MTRR: variants seen among roughly 807,000 people sequenced by gnomAD.
The protein encoded by MTRR is 5-methyltetrahydrofolate-homocysteine methyltransferase reductase.
A neutral mutation model predicts 79.2 loss-of-function variants in MTRR; 63 were observed. The observed-to-expected ratio is 0.80, with a 90% CI of 0.65 to 0.98. MTRR has a LOEUF of 0.98. Among genes scored for constraint, MTRR ranks in the 50% least tolerant of loss-of-function variants. The pLI is 0.00. For synonymous variants in MTRR, 355 were observed against 313.3 expected (o/e 1.13, Z -1.41); for missense variants, 895 against 839.6 (o/e 1.07, Z -0.82).
rs114472114 is a variant in MTRR, at chr5:7,884,341, C to G, written c.903+1064C>G. On this transcript the variant is annotated intron_variant, in intron 6 of 14. Transcript: ENST00000440940. ...TTGTCCCAGGACCCCTTTCAGATAC[C>G]CAAATCCTCAAAGCTCAAGTCCCTT... Among the ~76,000 whole-genome samples the G allele has an allele frequency of 7.9e-3, 1,202 of 152,108 alleles. 23 individuals are homozygous for G. Among genetic ancestry groups the G allele is most frequent in the African/African-American group, 0.028 (1,171 of 41,488 alleles).
At chr5:7,851,284 G>A (rs1438188780) in exon 1 of MTRR, 2 of 371,878 alleles carry the variant, frequency 5.4e-6, no homozygotes, top group Non-Finnish European at 9.5e-6. Flanking sequence ...GGAGGAGCCC[G>A]ACTGGGAGAC....
Position 7,875,379 on chromosome 5 carries a change from A to G in MTRR, c.401+4A>G. On this transcript the variant is annotated splice_donor_region_variant and intron_variant, in intron 4 of 14. Coordinates refer to ENST00000440940, the MANE Select transcript of MTRR (RefSeq NM_002454.3). Reference sequence around the variant, plus strand: ...GACATGCAGATGACTGTGTAGGGTAAGGGCAGTGTTCTCTGTTTACTCCAA... The same window carrying G: ...GACATGCAGATGACTGTGTAGGGTAGGGGCAGTGTTCTCTGTTTACTCCAA... 6.3e-7 allele frequency: 1 copy of G among 1,597,238 alleles called. No homozygotes were observed. Among genetic ancestry groups the G allele is most frequent in the Non-Finnish European group, 8.6e-7 (1 of 1,164,540 alleles).
chr5:7,868,443 G>C (rs529079199), upstream of MTRR, among the ~76,000 whole-genome samples: 3 of 152,334 alleles, frequency 2.0e-5, no homozygotes, highest in African/African-American at 7.2e-5. Context: ...TTAAGTGGCA[G>C]AGCTAGGGTT....
At chr5:7,881,646 C>T (rs1735618732) in intron 5 of MTRR, among the ~76,000 whole-genome samples, 1 of 152,126 alleles carries the variant, frequency 6.6e-6, no homozygotes, top group Admixed American at 6.5e-5. Flanking sequence ...CTGTCATGGG[C>T]TGCATGAGAT....
intron 2 of MTRR, chr5:7,862,840 G>T (rs1192587589): frequency 6.2e-7 from 1 of 1,613,084 alleles, no homozygotes; most frequent in East Asian, 2.2e-5. Flanking sequence ...ATAACAATAG[G>T]GTGTCAACAC....
chr5:7,869,552 A>C (rs1747504917), intron 1 of MTRR: 1 of 303,910 alleles, frequency 3.3e-6, no homozygotes, highest in Admixed American at 5.1e-5. Context: ...GGAACTGGGG[A>C]ACATGCCGGG....
At chr5:7,861,177 A>T in intron 1 of MTRR, 1 of 1,611,178 alleles carries the variant, frequency 6.2e-7, no homozygotes, top group Non-Finnish European at 8.5e-7. Context: ...GAGTAACTGT[A>T]GGTGTCTTTG....
intron 12 of MTRR, among the ~76,000 whole-genome samples, chr5:7,896,214 T>A (rs1738494567): frequency 1.3e-5 from 2 of 152,364 alleles, no homozygotes; most frequent in Admixed American, 6.5e-5. Flanking sequence ...CCAATTTTAG[T>A]AAAAGTTTCA....
intron 2 of MTRR, among the ~76,000 whole-genome samples, chr5:7,872,465 G>C (rs1445044693): frequency 2.0e-5 from 3 of 152,168 alleles, no homozygotes; most frequent in East Asian, 1.9e-4. Context: ...ACTTACATGA[G>C]AATAAGAATA....
rs5865737 is a variant in MTRR, at chr5:7,855,420, G to GAA, written n.391+3846_391+3847dup. Among the ~76,000 whole-genome samples, 314 of 145,154 alleles carry GAA rather than the reference G, an allele frequency of 2.2e-3. 2 individuals are homozygous for GAA. The highest frequency in any genetic ancestry group is 3.6e-3 in the Middle Eastern group (1 of 280). Reference sequence around the variant, plus strand: ...GGATTTCTCTAGAAACATTCCAGTGGAAAAAAAAAAAAGAAAAAGTTAAAG... The same window carrying GAA: ...GGATTTCTCTAGAAACATTCCAGTGGAAAAAAAAAAAAAAGAAAAAGTTAAAG... On this transcript the variant is annotated intron_variant and non_coding_transcript_variant, in intron 1 of 3. Transcript: ENST00000502509.
chr5:7,853,842 C>T lies in MTRR; in HGVS notation n.391+2257C>T, dbSNP rs548828264. Among the ~76,000 whole-genome samples, 38 of 152,224 alleles carry T rather than the reference C, an allele frequency of 2.5e-4. No homozygotes were observed. In the East Asian group the frequency reaches 7.2e-3, roughly 29 times the overall value. On this transcript the variant is annotated intron_variant and non_coding_transcript_variant, in intron 1 of 3. Coordinates refer to the MTRR transcript ENST00000502509. ...TTGCCTCCTTGGTGTCCGAGGAGCCCTAGGGCTGACAGCAAAAGACAGGGG... is the reference window on the plus strand; with the variant it reads ...TTGCCTCCTTGGTGTCCGAGGAGCCTTAGGGCTGACAGCAAAAGACAGGGG...
intron 8 of MTRR, among the ~76,000 whole-genome samples, chr5:7,888,358 C>G (rs913240027): frequency 3.3e-5 from 5 of 152,140 alleles, no homozygotes; most frequent in African/African-American, 4.8e-5. Flanking sequence ...AAAATTGTCA[C>G]TGTTTTAGCT....
chr5:7,852,850 T>C (rs1442937863), intron 1 of MTRR, among the ~76,000 whole-genome samples: 3 of 152,196 alleles, frequency 2.0e-5, no homozygotes, highest in Non-Finnish European at 4.4e-5. Context: ...AAGCTTTGCA[T>C]TGGTGACCCA....
intron 12 of MTRR, chr5:7,896,421 T>G (rs1237105903): frequency 1.4e-5 from 3 of 210,554 alleles, no homozygotes; most frequent in African/African-American, 7.1e-5. Context: ...TATTTCGTTT[T>G]AATTTTTTCC....
At chr5:7,874,475 A>G (rs969638351) in intron 3 of MTRR, among the ~76,000 whole-genome samples, 9 of 152,186 alleles carry the variant, frequency 5.9e-5, no homozygotes, top group African/African-American at 1.9e-4. Context: ...AGACAGAAAC[A>G]GAAGCCTGTC....
chr5:7,901,028 AT>A lies in MTRR; in HGVS notation c.*975del, dbSNP rs1453924147. On this transcript the variant is annotated 3_prime_UTR_variant, in exon 15 of 15. Transcript: ENST00000440940. ...TCTCCACTGTTCTAATATATATTGT[AT>A]TTTTATTTGATAGCTTGGGATTTAA... 1 of 152,114 alleles carries A rather than the reference AT, an allele frequency of 6.6e-6. No homozygotes were observed. Among genetic ancestry groups the A allele is most frequent in the Non-Finnish European group, 1.5e-5 (1 of 67,988 alleles). 9.4% of individuals were successfully genotyped at this position (152,114 alleles called of 1,614,324 possible).
chr5:7,883,996 C>T (rs1736006341), intron 6 of MTRR, among the ~76,000 whole-genome samples: 1 of 152,098 alleles, frequency 6.6e-6, no homozygotes, highest in Non-Finnish European at 1.5e-5. Context: ...GACCTTGTCT[C>T]TACAAAAAAA....
chr5:7,875,995 T>C (rs564151705), intron 4 of MTRR, among the ~76,000 whole-genome samples: 2 of 152,388 alleles, frequency 1.3e-5, no homozygotes, highest in East Asian at 1.9e-4. Flanking sequence ...CTACAGATAT[T>C]GTCCTATAAC....
Position 7,896,838 on chromosome 5 carries a change from C to T in MTRR, c.1677-26C>T, listed in dbSNP as rs751022771. On this transcript the variant is annotated intron_variant, in intron 12 of 14. Transcript: ENST00000440940. ...TTTTACATATTCTTTATATCACACA[C>T]CTAAACTTTTTTTTTTTCCACTTAG... The T allele has an allele frequency of 4.4e-6, 7 of 1,589,868 alleles. No homozygotes were observed. In the East Asian group the frequency reaches 1.6e-4, roughly 36 times the overall value.
Sources: allele counts gnomAD v4.1 joint callset (sites outside exome capture counted in the v4.1 genomes callset), GRCh38; gene constraint gnomAD v4.1.1; transcripts MANE v1.5; gene names NCBI Gene and HGNC (gene_info 2026-07-23, HGNC 2026-07-21).